Variants in TAFA5 observed in about 807,000 individuals in gnomAD.
The protein encoded by TAFA5 is TAFA chemokine like family member 5.
TAFA5 carries 6 observed loss-of-function variants against 15.3 expected under a neutral mutation model. The observed-to-expected ratio is 0.39, with a 90% confidence interval of 0.21 to 0.77. The LOEUF (loss-of-function observed/expected upper bound fraction) is 0.77. Among genes scored for constraint, TAFA5 ranks in the 30% least tolerant of loss-of-function variants. The probability of loss-of-function intolerance (pLI) is 0.41; values close to 1 mark genes in which losing one functional copy is unlikely to be tolerated. For synonymous variants in TAFA5, 103 were observed against 80.7 expected, an observed-to-expected ratio of 1.28 and a Z score of -1.48; for missense variants, 161 against 193.1, an observed-to-expected ratio of 0.83 and a Z score of 0.98.
At chr22:48,709,631 G>C (rs1845929587) in intron 3 of TAFA5, among the ~76,000 whole-genome samples, 1 of 152,160 alleles carries the variant, frequency 6.6e-6, no homozygotes, top group African/African-American at 2.4e-5. Context: ...CCTTTGATGA[G>C]CCCCTCCTCC....
chr22:48,559,893 C>T (rs987262217), intron 1 of TAFA5, among the ~76,000 whole-genome samples: 3 of 152,268 alleles, frequency 2.0e-5, no homozygotes, highest in South Asian at 4.1e-4. Context: ...ATGCGGTCGC[C>T]GTGCACTGAA....
intron 3 of TAFA5, among the ~76,000 whole-genome samples, chr22:48,718,781 C>T (rs932526205): frequency 4.6e-5 from 7 of 152,174 alleles, no homozygotes; most frequent in Non-Finnish European, 7.3e-5. Context: ...TCCAGTCCTC[C>T]GTGTGAGCCT....
At chr22:48,591,887 G>T (rs1924582286) in intron 1 of TAFA5, among the ~76,000 whole-genome samples, 1 of 152,184 alleles carries the variant, frequency 6.6e-6, no homozygotes, top group Non-Finnish European at 1.5e-5. Flanking sequence ...AGCATCCCGG[G>T]CGCCTGGGCC....
At chr22:48,612,413 CA>C (rs1925442414) in intron 1 of TAFA5, among the ~76,000 whole-genome samples, 1 of 152,160 alleles carries the variant, frequency 6.6e-6, no homozygotes, top group Admixed American at 6.5e-5. Context: ...TACCTCCCTG[CA>C]ACACTGACAT....
At chr22:48,597,890 C>G (rs1924826996) in intron 1 of TAFA5, among the ~76,000 whole-genome samples, 1 of 152,208 alleles carries the variant, frequency 6.6e-6, no homozygotes, top group African/African-American at 2.4e-5. Context: ...CGGGTTGGAC[C>G]AACGCACGGG....
intron 2 of TAFA5, among the ~76,000 whole-genome samples, chr22:48,671,172 C>T (rs1220850770): frequency 3.3e-5 from 5 of 152,154 alleles, no homozygotes; most frequent in East Asian, 1.9e-4. Flanking sequence ...CCTTAGCTTC[C>T]GGCTGAGTTC....
intron 2 of TAFA5, among the ~76,000 whole-genome samples, chr22:48,687,153 T>C (rs1470764120): frequency 1.3e-5 from 2 of 150,750 alleles, no homozygotes; most frequent in African/African-American, 4.9e-5. Context: ...GATGGATGGA[T>C]TGGTGGAGGG....
At position 48,607,277 on chromosome 22, in the gene TAFA5, G is replaced by A. The variant is rs1052597841; in HGVS notation, c.113-39320G>A. Among the ~76,000 whole-genome samples the A allele has an allele frequency of 2.8e-5, 4 of 143,126 alleles. 1 individual carries two copies. The highest frequency in any genetic ancestry group is 1.1e-4 in the African/African-American group (4 of 37,480). 93.9% of individuals were successfully genotyped at this position (143,126 alleles called of 152,430 possible). A position where few individuals can be genotyped will look rare whatever the true frequency, so the allele number is the denominator to read the frequency against. On this transcript the variant is annotated intron_variant, in intron 1 of 3. Transcript: ENST00000402357. ...TGGCCCACCCATCCCAGGTACCTCA[G>A]CCTGGAGCAGATCTGTCCTGGGTTC...
intron 1 of TAFA5, among the ~76,000 whole-genome samples, chr22:48,563,265 G>GACCA (rs970477009): frequency 2.0e-5 from 3 of 152,256 alleles, no homozygotes; most frequent in African/African-American, 7.2e-5. Context: ...CTCCAGCGGG[G>GACCA]ACCACCGTGG....
At chr22:48,694,218 G>A (rs1245041812) in intron 2 of TAFA5, among the ~76,000 whole-genome samples, 3 of 152,188 alleles carry the variant, frequency 2.0e-5, no homozygotes, top group Admixed American at 1.3e-4. Context: ...AGTAATAAAT[G>A]AGCATACCAG....
intron 3 of TAFA5, among the ~76,000 whole-genome samples, chr22:48,714,118 C>G (rs780177926): frequency 1.2e-4 from 19 of 152,252 alleles, no homozygotes; most frequent in Non-Finnish European, 2.1e-4. Context: ...GGCCCGCACA[C>G]TGAGCCCTGA....
chr22:48,692,197 G>A (rs1050471065), intron 2 of TAFA5, among the ~76,000 whole-genome samples: 1 of 152,042 alleles, frequency 6.6e-6, no homozygotes, highest in African/African-American at 2.4e-5. Flanking sequence ...CCTGAGAGCT[G>A]CCTCCAGCCT....
chr22:48,674,339 G>C (rs1601661533), intron 2 of TAFA5, among the ~76,000 whole-genome samples: 1 of 131,652 alleles, frequency 7.6e-6, no homozygotes, highest in African/African-American at 2.5e-5. Flanking sequence ...CTTTTGTTCC[G>C]CCAGCGGTTC....
intron 1 of TAFA5, among the ~76,000 whole-genome samples, chr22:48,509,073 T>C (rs1352750634): frequency 6.6e-6 from 1 of 152,242 alleles, no homozygotes; most frequent in African/African-American, 2.4e-5. Flanking sequence ...TTTATCTTTC[T>C]GTGCCTAACT....
chr22:48,581,928 C>T (rs1416757058), intron 1 of TAFA5, among the ~76,000 whole-genome samples: 1 of 152,118 alleles, frequency 6.6e-6, no homozygotes, highest in East Asian at 1.9e-4. Context: ...GGCTGCACTG[C>T]GATCTGAGCA....
At chr22:48,655,098 A>C (rs1197085637) in intron 2 of TAFA5, among the ~76,000 whole-genome samples, 1 of 152,150 alleles carries the variant, frequency 6.6e-6, no homozygotes, top group Admixed American at 6.5e-5. Context: ...GTCATTGTGT[A>C]CTGGGCATGG....
intron 1 of TAFA5, among the ~76,000 whole-genome samples, chr22:48,509,643 G>T (rs1003207488): frequency 6.6e-6 from 1 of 152,100 alleles, no homozygotes. Context: ...AAAACTGGAC[G>T]TCCACATGCA....
At chr22:48,577,256 T>G (rs945685634) in intron 1 of TAFA5, among the ~76,000 whole-genome samples, 15 of 152,126 alleles carry the variant, frequency 9.9e-5, no homozygotes, top group African/African-American at 3.6e-4. Context: ...CTGGGAAGCA[T>G]CTTACTGGGG....
rs149645348 is a variant in TAFA5, at chr22:48,616,837, C to T, written c.113-29760C>T. Among the ~76,000 whole-genome samples, 1,501 of 152,266 alleles carry T rather than the reference C, an allele frequency of 9.9e-3. 32 individuals carry two copies. Among genetic ancestry groups the T allele is most frequent in the African/African-American group, 0.034 (1,402 of 41,536 alleles). On this transcript the variant is annotated intron_variant, in intron 1 of 3. Coordinates refer to ENST00000402357, the MANE Select transcript of TAFA5 (RefSeq NM_001082967.3). ...GCAGACACCCAGCTGCTTGCAGGTC[C>T]GTGGGGACCCCTAGGGGTTTGGTGG...
Sources: allele counts gnomAD v4.1 joint callset (sites outside exome capture counted in the v4.1 genomes callset), GRCh38; gene constraint gnomAD v4.1.1; transcripts MANE v1.5; gene names NCBI Gene and HGNC (gene_info 2026-07-23, HGNC 2026-07-21).